The following MAGI2 variants were observed in gnomAD, a reference collection of about 807,000 sequenced individuals.
MAGI2 encodes the protein membrane-associated guanylate kinase, WW and PDZ domain-containing protein 2.
In MAGI2, 35 loss-of-function variants were observed where a neutral mutation model predicts 133.3. The ratio of observed to expected loss-of-function variants is 0.26; its 90% CI spans 0.20 to 0.35. MAGI2 has a LOEUF of 0.35. Among genes scored for constraint, MAGI2 ranks in the 10% least tolerant of loss-of-function variants. The probability of loss-of-function intolerance (pLI) is 1.00; values close to 1 mark genes in which losing one functional copy is unlikely to be tolerated. For synonymous variants in MAGI2, 729 were observed against 710.6 expected (o/e 1.03, Z -0.41); for missense variants, 1,636 against 1,863.4 (o/e 0.88, Z 2.25).
At chr7:79,318,639 AAAC>A (rs1330350609) in intron 1 of MAGI2, among the ~76,000 whole-genome samples, 2 of 152,202 alleles carry the variant, frequency 1.3e-5, no homozygotes, top group Non-Finnish European at 2.9e-5. Context: ...AGAGTGAAGA[AAAC>A]AAATACAACA....
chr7:78,862,190 T>C (rs898624941), intron 2 of MAGI2, among the ~76,000 whole-genome samples: 6 of 152,216 alleles, frequency 3.9e-5, no homozygotes, highest in Non-Finnish European at 8.8e-5. Context: ...TTTTCTTTAA[T>C]ATGTCCTTGC....
In MAGI2 at chr7:79,298,465, A is replaced by G. The variant is rs1308573872; in HGVS notation, c.301+154555T>C. Among the ~76,000 whole-genome samples the G allele has an allele frequency of 2.0e-5, 3 of 152,186 alleles. No individual in the cohort carries two copies. In the East Asian group the frequency reaches 5.8e-4, roughly 29 times the overall value. On this transcript the variant is annotated intron_variant, in intron 1 of 21. Coordinates refer to ENST00000354212, the MANE Select transcript of MAGI2 (RefSeq NM_012301.4). ...CAATATTATGGCTGTTTTGTAACAC[A>G]CAAAAAAACCTGCCAGTGTTCTTAT...
At chr7:79,204,026 A>G (rs920010202) in intron 1 of MAGI2, among the ~76,000 whole-genome samples, 9 of 152,078 alleles carry the variant, frequency 5.9e-5, no homozygotes, top group Non-Finnish European at 1.3e-4. Context: ...TCAGTATTAC[A>G]TTACATGTAT....
At chr7:78,959,772 T>G (rs1802692844) in intron 2 of MAGI2, among the ~76,000 whole-genome samples, 1 of 152,180 alleles carries the variant, frequency 6.6e-6, no homozygotes, top group Admixed American at 6.5e-5. Flanking sequence ...TATTTCTAAT[T>G]GTTTTAGTAT....
At chr7:78,543,091 G>GA (rs1720512178) in intron 3 of MAGI2, among the ~76,000 whole-genome samples, 1 of 152,154 alleles carries the variant, frequency 6.6e-6, no homozygotes, top group African/African-American at 2.4e-5. Context: ...GAGACTCTAA[G>GA]AAGTCTTTTG....
chr7:79,415,874 A>G (rs1231104615), intron 1 of MAGI2, among the ~76,000 whole-genome samples: 1 of 152,202 alleles, frequency 6.6e-6, no homozygotes, highest in Non-Finnish European at 1.5e-5. Flanking sequence ...TCTCTTCCAC[A>G]GTACAGGACA....
At chr7:78,670,177 T>C (rs1419262209) in intron 2 of MAGI2, among the ~76,000 whole-genome samples, 1 of 151,974 alleles carries the variant, frequency 6.6e-6, no homozygotes. Flanking sequence ...AAAACCCCAT[T>C]GTCTCAGCCC....
At chr7:78,419,908 T>C (rs995244177) in intron 6 of MAGI2, among the ~76,000 whole-genome samples, 5 of 152,046 alleles carry the variant, frequency 3.3e-5, no homozygotes, top group African/African-American at 9.7e-5. Flanking sequence ...GAAACACTTG[T>C]TGGGGGTTGA....
intron 2 of MAGI2, among the ~76,000 whole-genome samples, chr7:78,976,075 G>A (rs553083298): frequency 6.6e-6 from 1 of 151,704 alleles, no homozygotes; most frequent in South Asian, 2.1e-4. Flanking sequence ...CTTTCCTACT[G>A]TTTCTATGAG....
intron 10 of MAGI2, among the ~76,000 whole-genome samples, chr7:78,213,856 G>A (rs1390296208): frequency 6.6e-6 from 1 of 152,122 alleles, no homozygotes; most frequent in Non-Finnish European, 1.5e-5. Context: ...TTTAATCTAA[G>A]GTTTTCCTTC....
At chr7:78,830,351 C>G (rs1791033876) in intron 2 of MAGI2, among the ~76,000 whole-genome samples, 1 of 152,080 alleles carries the variant, frequency 6.6e-6, no homozygotes, top group Non-Finnish European at 1.5e-5. Context: ...ATACAACAAA[C>G]AGCTTTTCCA....
At chr7:78,292,204 C>T (rs1167679793) in intron 9 of MAGI2, among the ~76,000 whole-genome samples, 4 of 152,152 alleles carry the variant, frequency 2.6e-5, no homozygotes, top group African/African-American at 9.7e-5. Flanking sequence ...AGCCCAAAAC[C>T]TCCTTAAGCT....
At chr7:79,244,147 T>C (rs547005392) in intron 1 of MAGI2, among the ~76,000 whole-genome samples, 22 of 152,220 alleles carry the variant, frequency 1.4e-4, no homozygotes, top group Non-Finnish European at 2.8e-4. Flanking sequence ...AAAATGTTTT[T>C]CTCTATTGAA....
intron 16 of MAGI2, among the ~76,000 whole-genome samples, chr7:78,153,661 A>C (rs193293835): frequency 6.6e-6 from 1 of 152,372 alleles, no homozygotes; most frequent in African/African-American, 2.4e-5. Context: ...AATAAAAGTT[A>C]AAATGATAGC....
intron 10 of MAGI2, among the ~76,000 whole-genome samples, chr7:78,202,400 G>T (rs889370570): frequency 6.6e-6 from 1 of 152,028 alleles, no homozygotes; most frequent in African/African-American, 2.4e-5. Flanking sequence ...GAATTAAACT[G>T]GGCCGGGTGC....
chr7:78,718,657 T>A (rs1819959306), intron 2 of MAGI2, among the ~76,000 whole-genome samples: 3 of 151,926 alleles, frequency 2.0e-5, no homozygotes, highest in Admixed American at 2.0e-4. Context: ...AGGGCTCCCC[T>A]TGATTCTATG....
intron 1 of MAGI2, among the ~76,000 whole-genome samples, chr7:79,158,318 CTAAT>C (rs1235260208): frequency 1.3e-5 from 2 of 151,826 alleles, no homozygotes; most frequent in South Asian, 4.2e-4. Context: ...TAAAAGAGCT[CTAAT>C]TAATTGGCTT....
chr7:78,415,915 G>C (rs1050072896), intron 6 of MAGI2, among the ~76,000 whole-genome samples: 2 of 152,116 alleles, frequency 1.3e-5, no homozygotes, highest in African/African-American at 4.8e-5. Context: ...TCCTTTGTAT[G>C]ATGATGAGGC....
chr7:78,242,666 C>T (rs993508092), intron 10 of MAGI2, among the ~76,000 whole-genome samples: 2 of 152,044 alleles, frequency 1.3e-5, no homozygotes, highest in East Asian at 1.9e-4. Context: ...CTCTCAGTAA[C>T]GTTTCTATAT....
Sources: gnomAD v4.1 joint callset for allele counts (sites outside exome capture counted in the v4.1 genomes callset) on GRCh38, gnomAD v4.1.1 for gene constraint, MANE v1.5 for transcripts, NCBI Gene and HGNC (gene_info 2026-07-23, HGNC 2026-07-21) for gene names.